DNAH9: variants seen among roughly 807,000 people sequenced by gnomAD.
DNAH9 encodes dynein axonemal heavy chain 9.
DNAH9 carries 345 observed loss-of-function variants against 471.6 expected under a neutral mutation model. The observed-to-expected ratio is 0.73, with a 90% CI of 0.67 to 0.80. The LOEUF (loss-of-function observed/expected upper bound fraction) is 0.80, where lower values mean the gene tolerates loss of function less well. Among genes scored for constraint, DNAH9 ranks in the 30% least tolerant of loss-of-function variants. DNAH9 has a pLI of 0.00. For missense variants in DNAH9, 5,407 were observed against 5,609.2 expected, an observed-to-expected ratio of 0.96 and a Z score of 1.15; for synonymous variants, 2,093 against 2,123.6, an observed-to-expected ratio of 0.99 and a Z score of 0.40.
At chr17:11,829,626 C>T (rs1267154593) in intron 48 of DNAH9, among the ~76,000 whole-genome samples, 1 of 152,084 alleles carries the variant, frequency 6.6e-6, no homozygotes, top group African/African-American at 2.4e-5. Flanking sequence ...TGCGTGCCAC[C>T]GTGCCCAGCT....
intron 48 of DNAH9, among the ~76,000 whole-genome samples, chr17:11,829,461 C>G (rs1389684693): frequency 6.6e-6 from 1 of 152,048 alleles, no homozygotes; most frequent in African/African-American, 2.4e-5. Flanking sequence ...TATTTATTTA[C>G]TTATTTGCTT....
chr17:11,638,539 G>A (rs1374429456), intron 9 of DNAH9, among the ~76,000 whole-genome samples: 5 of 151,894 alleles, frequency 3.3e-5, no homozygotes, highest in Non-Finnish European at 5.9e-5. Context: ...TGCCTGCCAC[G>A]AGGCCCGGCT....
chr17:11,699,953 A>G (rs541968388), intron 23 of DNAH9, 70 bp downstream of exon 23: 5 of 1,527,164 alleles, frequency 3.3e-6, no homozygotes, highest in Middle Eastern at 2.1e-4. Flanking sequence ...TATGATCAGC[A>G]TCAACTCTAG....
chr17:11,849,357 T>C (rs1971333601), intron 49 of DNAH9, among the ~76,000 whole-genome samples: 1 of 152,132 alleles, frequency 6.6e-6, no homozygotes, highest in Non-Finnish European at 1.5e-5. Flanking sequence ...AGCATAAGCC[T>C]CATCATTCCA....
intron 45 of DNAH9, among the ~76,000 whole-genome samples, chr17:11,818,820 A>C (rs1449174918): frequency 6.6e-6 from 1 of 151,998 alleles, no homozygotes; most frequent in East Asian, 1.9e-4. Context: ...TTCATTGAGA[A>C]AACTGATGTC....
chr17:11,867,149 A>C lies in DNAH9; in HGVS notation c.9934-1985A>C, dbSNP rs148479129. 2.2e-4 allele frequency among the ~76,000 whole-genome samples: 33 copies of C among 152,304 alleles called. No individual in the cohort carries two copies. In the South Asian group the frequency reaches 3.1e-3, roughly 14 times the overall value. The stretch of plus-strand genomic sequence containing the variant: ...GGAGCTGGAGACCAGAGCTGTTCCT[A>C]TTCAGCCATCTTGGCTCCTCTCCAT... On this transcript the variant is annotated intron_variant, in intron 50 of 68. Transcript: ENST00000262442.
chr17:11,878,024 G>A (rs1187681116), intron 53 of DNAH9, among the ~76,000 whole-genome samples: 2 of 152,064 alleles, frequency 1.3e-5, no homozygotes, highest in East Asian at 1.9e-4. Context: ...ATGAACCACC[G>A]CGCCCGGCCA....
chr17:11,617,426 A>C lies in DNAH9; in HGVS notation c.920A>C (p.Gln307Pro). The C allele has an allele frequency of 6.2e-7, 1 of 1,613,708 alleles. No homozygotes were observed. Among genetic ancestry groups the C allele is most frequent in the Non-Finnish European group, 8.5e-7 (1 of 1,179,634 alleles). Reference protein sequence around the residue: ...RDVVAALAEAQDIHVHLIPLQ... With the variant: ...RDVVAALAEAPDIHVHLIPLQ... ...TTCCTTCCAGCTCTAGCAGAGGCAC[A>C]GGACATCCATGTGCACCTGATACCG... Residue 307 changes from glutamine to proline, a missense_variant, in exon 5 of 69, where the codon CAG becomes CCG. This residue lies in a region of DNAH9 where 767 missense variants were observed against 692.5 expected (regional missense o/e 1.11). Transcript: ENST00000262442.
chr17:11,739,410 A>G (rs2075399695), intron 29 of DNAH9, among the ~76,000 whole-genome samples: 1 of 152,232 alleles, frequency 6.6e-6, no homozygotes, highest in Admixed American at 6.5e-5. Flanking sequence ...AATGTAATTA[A>G]CTACTCCCCC....
intron 50 of DNAH9, among the ~76,000 whole-genome samples, chr17:11,867,188 G>GGTGT (rs1465324497): frequency 6.6e-6 from 1 of 152,092 alleles, no homozygotes; most frequent in East Asian, 1.9e-4. Context: ...TTTTTTATAT[G>GGTGT]GTGTTTGGCA....
chr17:11,701,075 C>T (rs753112911), intron 23 of DNAH9, 47 bp from the exon 24 acceptor site: 3 of 1,611,038 alleles, frequency 1.9e-6, no homozygotes, highest in Non-Finnish European at 2.5e-6. Context: ...GTAGGACTAA[C>T]CAAAACTTCT....
chr17:11,785,689 T>G (rs1005004184), intron 41 of DNAH9, among the ~76,000 whole-genome samples: 14 of 152,054 alleles, frequency 9.2e-5, no homozygotes, highest in Admixed American at 6.5e-5. Context: ...CTCCCAAACA[T>G]TAGCTCATTT....
intron 14 of DNAH9, among the ~76,000 whole-genome samples, chr17:11,655,351 G>GGTGTGTGT (rs144975414): frequency 1.2e-4 from 18 of 147,824 alleles, no homozygotes; most frequent in South Asian, 1.1e-3. Context: ...AGCATTCCAT[G>GGTGTGTGT]GTGTGTGTGT....
intron 21 of DNAH9, 27 bp downstream of exon 21, chr17:11,694,025 C>T: frequency 6.2e-7 from 1 of 1,607,222 alleles, no homozygotes; most frequent in Middle Eastern, 1.7e-4. Context: ...TACCCCTTCT[C>T]TAATAAGAAG....
intron 27 of DNAH9, among the ~76,000 whole-genome samples, chr17:11,722,697 G>A (rs2075081882): frequency 6.6e-6 from 1 of 152,140 alleles, no homozygotes; most frequent in Non-Finnish European, 1.5e-5. Flanking sequence ...GAGGACAGGA[G>A]AACAGCGCAA....
intron 20 of DNAH9, among the ~76,000 whole-genome samples, chr17:11,690,716 T>TA (rs57232628): frequency 1.3e-5 from 2 of 151,020 alleles, no homozygotes; most frequent in South Asian, 2.1e-4. Context: ...TAAGAAAGAT[T>TA]AAAAAAAAAT....
chr17:11,607,114 C>A (rs1407047393), intron 1 of DNAH9, among the ~76,000 whole-genome samples: 3 of 152,194 alleles, frequency 2.0e-5, no homozygotes, highest in Non-Finnish European at 4.4e-5. Flanking sequence ...AGGTGCCCTT[C>A]CCACCACCTG....
intron 24 of DNAH9, among the ~76,000 whole-genome samples, chr17:11,701,739 C>A (rs1355279370): frequency 1.3e-5 from 2 of 152,232 alleles, no homozygotes; most frequent in South Asian, 2.1e-4. Flanking sequence ...AGTGCAGTGC[C>A]ACGATGTCGG....
intron 64 of DNAH9, among the ~76,000 whole-genome samples, chr17:11,933,316 A>G (rs1352537325): frequency 6.6e-6 from 1 of 152,040 alleles, no homozygotes; most frequent in Non-Finnish European, 1.5e-5. Flanking sequence ...AGGCATATAT[A>G]TATGGGGCGT....
Sources: gnomAD v4.1 joint callset for allele counts (sites outside exome capture counted in the v4.1 genomes callset) on GRCh38, gnomAD v4.1.1 for gene constraint, gnomAD v4.1.1 regional missense constraint, MANE v1.5 for transcripts, NCBI Gene and HGNC (gene_info 2026-07-23, HGNC 2026-07-21) for gene names.